Variants in MARCHF1 observed in about 807,000 individuals in gnomAD.
The protein encoded by MARCHF1 is membrane associated ring-CH-type finger 1, also known as E3 ubiquitin-protein ligase MARCHF1.
In MARCHF1, 40 loss-of-function variants were observed where a neutral mutation model predicts 54.2. The observed-to-expected ratio is 0.74, with a 90% confidence interval of 0.57 to 0.96. MARCHF1 has a LOEUF of 0.96. MARCHF1 is among the 40% of genes least tolerant of loss of function. The pLI, the probability that MARCHF1 is intolerant of heterozygous loss-of-function variation, is 0.00. For synonymous variants in MARCHF1, 236 were observed against 236.3 expected (o/e 1.00, Z 0.01); for missense variants, 586 against 656.5 (o/e 0.89, Z 1.17).
chr4:163,722,116 G>A (rs1745489784), intron 4 of MARCHF1, among the ~76,000 whole-genome samples: 1 of 152,036 alleles, frequency 6.6e-6, no homozygotes, highest in Non-Finnish European at 1.5e-5. Flanking sequence ...TTTTAATTGT[G>A]ATGTTAGGGT....
intron 1 of MARCHF1, among the ~76,000 whole-genome samples, chr4:164,124,437 AAAAG>A (rs1192922987): frequency 2.0e-5 from 3 of 152,192 alleles, no homozygotes; most frequent in Admixed American, 2.0e-4. Flanking sequence ...GTATACACCC[AAAAG>A]AAAGAAAATC....
intron 5 of MARCHF1, among the ~76,000 whole-genome samples, chr4:163,624,628 A>G (rs951521766): frequency 2.6e-5 from 4 of 152,208 alleles, no homozygotes; most frequent in African/African-American, 9.7e-5. Flanking sequence ...TAAGCTGCAC[A>G]TTTGGAATAT....
chr4:164,067,091 G>A (rs569647247), intron 2 of MARCHF1, among the ~76,000 whole-genome samples: 2 of 151,942 alleles, frequency 1.3e-5, no homozygotes, highest in South Asian at 4.2e-4. Flanking sequence ...CATCCCCTAA[G>A]AGGTTTTGGT....
At chr4:163,671,041 T>C (rs926416101) in intron 5 of MARCHF1, among the ~76,000 whole-genome samples, 13 of 152,236 alleles carry the variant, frequency 8.5e-5, no homozygotes, top group Admixed American at 2.0e-4. Context: ...GCTTCAGCCC[T>C]TTCCCTTGCA....
intron 1 of MARCHF1, among the ~76,000 whole-genome samples, chr4:164,290,179 G>A (rs934177575): frequency 1.3e-5 from 2 of 151,862 alleles, no homozygotes; most frequent in Non-Finnish European, 2.9e-5. Flanking sequence ...GTCAGAGGCT[G>A]TATCTTATTC....
At chr4:164,039,152 A>T (rs748330076) in intron 2 of MARCHF1, among the ~76,000 whole-genome samples, 1 of 152,186 alleles carries the variant, frequency 6.6e-6, no homozygotes, top group African/African-American at 2.4e-5. Flanking sequence ...CCTAGTTCTT[A>T]ATTTGGAGAA....
intron 3 of MARCHF1, among the ~76,000 whole-genome samples, chr4:163,899,736 T>G (rs1243067320): frequency 7.0e-6 from 1 of 143,180 alleles, no homozygotes; most frequent in Non-Finnish European, 1.5e-5. Flanking sequence ...CAACGTAACA[T>G]ATTCATAAAC....
chr4:163,616,559 T>C (rs1407813762), intron 5 of MARCHF1, among the ~76,000 whole-genome samples: 1 of 152,122 alleles, frequency 6.6e-6, no homozygotes, highest in Non-Finnish European at 1.5e-5. Flanking sequence ...TGAGATGTTA[T>C]CTCACTCTCC....
chr4:164,200,094 T>C (rs563188475), intron 1 of MARCHF1, among the ~76,000 whole-genome samples: 12 of 152,340 alleles, frequency 7.9e-5, no homozygotes, highest in African/African-American at 2.4e-4. Context: ...GTGACTGCAT[T>C]CGGAGAAGCA....
At chr4:163,923,764 T>C (rs1219703988) in intron 3 of MARCHF1, among the ~76,000 whole-genome samples, 1 of 133,202 alleles carries the variant, frequency 7.5e-6, no homozygotes, top group Non-Finnish European at 1.7e-5. Flanking sequence ...GTGATAGAAT[T>C]GTAAAAAAAA....
chr4:163,716,681 T>C (rs764423794), intron 4 of MARCHF1, among the ~76,000 whole-genome samples: 6 of 152,190 alleles, frequency 3.9e-5, no homozygotes, highest in Non-Finnish European at 5.9e-5. Flanking sequence ...AGTGCCAAAA[T>C]CACCAGTGGG....
intron 1 of MARCHF1, among the ~76,000 whole-genome samples, chr4:164,168,151 G>A (rs207465229): frequency 2.6e-5 from 4 of 151,878 alleles, no homozygotes; most frequent in Non-Finnish European, 4.4e-5. Context: ...CATAGCCAAC[G>A]TGTATATGAA....
In MARCHF1 at chr4:163,528,447, A is replaced by ATCTT. The variant is rs1291560463; in HGVS notation, c.*297_*300dup. ...AAGAAGAGTATCATGGGTCCATTTA[A>ATCTT]TCTTTGATTACTGCCTAAAAGCATT... On this transcript the variant is annotated 3_prime_UTR_variant, in exon 10 of 10. Transcript: ENST00000514618. The ATCTT allele has an allele frequency of 9.7e-6, 3 of 309,644 alleles. No homozygotes were observed. The highest frequency in any genetic ancestry group is 4.3e-5 in the African/African-American group (2 of 46,394). 19.2% of individuals were successfully genotyped at this position (309,644 alleles called of 1,614,324 possible).
intron 4 of MARCHF1, among the ~76,000 whole-genome samples, chr4:163,775,780 T>C (rs976904538): frequency 2.2e-4 from 33 of 151,990 alleles, no homozygotes; most frequent in African/African-American, 7.7e-4. Context: ...GTTGAGTGGA[T>C]ATAAAAAAAG....
rs371886358 is a variant in MARCHF1, at chr4:163,838,290, C to G, written c.111+15731G>C. Among the ~76,000 whole-genome samples the G allele has an allele frequency of 6.6e-5, 10 of 152,140 alleles. No homozygotes were observed. The East Asian group carries it at 1.2e-3, about 18-fold the overall frequency. On this transcript the variant is annotated intron_variant, in intron 4 of 9. Transcript: ENST00000514618. ...TCCTCCCATGCACTTTAAATCATCT[C>G]TAGATTAATTATAGTTCCTAATACA...
At chr4:163,963,299 T>C (rs1304599183) in intron 3 of MARCHF1, among the ~76,000 whole-genome samples, 3 of 151,946 alleles carry the variant, frequency 2.0e-5, no homozygotes, top group African/African-American at 7.2e-5. Context: ...CAGAGGTTTC[T>C]AGTGACTTTA....
intron 2 of MARCHF1, among the ~76,000 whole-genome samples, chr4:164,088,986 T>G (rs1325789051): frequency 1.3e-5 from 2 of 152,184 alleles, no homozygotes; most frequent in Non-Finnish European, 2.9e-5. Context: ...GACAAAGTTT[T>G]AAGCTTCATG....
At chr4:163,795,372 G>A (rs1747885081) in intron 4 of MARCHF1, among the ~76,000 whole-genome samples, 1 of 152,148 alleles carries the variant, frequency 6.6e-6, no homozygotes, top group Non-Finnish European at 1.5e-5. Flanking sequence ...TGGGATTACA[G>A]GCGCACACCA....
intron 1 of MARCHF1, among the ~76,000 whole-genome samples, chr4:164,181,965 TC>T (rs1342412989): frequency 5.3e-4 from 80 of 152,246 alleles, no homozygotes; most frequent in African/African-American, 1.8e-3. Flanking sequence ...CTCTTGGGAC[TC>T]AATCATGCAT....
Sources: gnomAD v4.1 joint callset for allele counts (sites outside exome capture counted in the v4.1 genomes callset) on GRCh38, gnomAD v4.1.1 for gene constraint, MANE v1.5 for transcripts, NCBI Gene and HGNC (gene_info 2026-07-23, HGNC 2026-07-21) for gene names.